The following ATXN3 variants were observed in gnomAD, a reference collection of about 807,000 sequenced individuals.
ATXN3 encodes ataxin 3, also known as ataxin-3.
In ATXN3, 28 loss-of-function variants were observed where a neutral mutation model predicts 58.2. That is an observed-to-expected ratio of 0.48 (90% CI 0.36 to 0.66). The LOEUF is 0.66. ATXN3 is among the 30% of genes least tolerant of loss of function. The pLI, the probability that ATXN3 is intolerant of heterozygous loss-of-function variation, is 0.00. For missense variants in ATXN3, 321 were observed against 422.1 expected, an observed-to-expected ratio of 0.76 and a Z score of 2.10; for synonymous variants, 113 against 138.5, an observed-to-expected ratio of 0.82 and a Z score of 1.29.
chr14:92,106,516 C>G lies in ATXN3; in HGVS notation c.24+13G>C, dbSNP rs537987995. ...GCGCGGCAGACAGCTCCCCACCGAA[C>G]GCGGACACTCACTTTCTCGTGGAAG... is the stretch of plus-strand genomic sequence containing the variant. On this transcript the variant is annotated intron_variant, in intron 1 of 10. Transcript: ENST00000644486. 1.2e-6 allele frequency: 2 copies of G among 1,613,304 alleles called. No individual in the cohort carries two copies. The highest frequency in any genetic ancestry group is 1.7e-6 in the Non-Finnish European group (2 of 1,179,600).
At chr14:92,091,009 C>T (rs138047286) in intron 5 of ATXN3, among the ~76,000 whole-genome samples, 5 of 137,070 alleles carry the variant, frequency 3.6e-5, no homozygotes, top group African/African-American at 1.4e-4. Context: ...TGCTCTCAAG[C>T]TCCTGGCCTC....
chr14:92,062,971 G>A lies in ATXN3; in HGVS notation c.*1349C>T, dbSNP rs908886148. 5 of 152,608 alleles carry A rather than the reference G, an allele frequency of 3.3e-5. No individual in the cohort carries two copies. Among genetic ancestry groups the A allele is most frequent in the Non-Finnish European group, 7.3e-5 (5 of 68,028 alleles). 9.5% of individuals were successfully genotyped at this position (152,608 alleles called of 1,614,324 possible). A position where few individuals can be genotyped will look rare whatever the true frequency, so the allele number is the denominator to read the frequency against. ...CTTCAAAAGGAGATGGAGAATGAGGGATAGGGAACACTGAAACTAAAACAT... is the reference window on the plus strand; with the variant it reads ...CTTCAAAAGGAGATGGAGAATGAGGAATAGGGAACACTGAAACTAAAACAT... On this transcript the variant is annotated 3_prime_UTR_variant, in exon 11 of 11. Coordinates refer to ENST00000644486, the MANE Select transcript of ATXN3 (RefSeq NM_004993.6).
At chr14:92,095,296 T>C (rs1350254549) in intron 3 of ATXN3, among the ~76,000 whole-genome samples, 1 of 152,050 alleles carries the variant, frequency 6.6e-6, no homozygotes, top group Non-Finnish European at 1.5e-5. Context: ...CAGGCTAGAG[T>C]GCAGTGGCGC....
chr14:92,079,912 A>AT (rs1288675144), intron 9 of ATXN3, among the ~76,000 whole-genome samples: 14 of 151,966 alleles, frequency 9.2e-5, no homozygotes. Flanking sequence ...TAATTTTTGT[A>AT]TTTTTAGTAG....
At position 92,088,771 on chromosome 14, in the gene ATXN3, T is replaced by C. The variant is rs2063132649; in HGVS notation, c.434A>G (p.Asp145Gly). 5 of 1,612,722 alleles carry C rather than the reference T, an allele frequency of 3.1e-6. No individual in the cohort carries two copies. The highest frequency in any genetic ancestry group is 4.2e-6 in the Non-Finnish European group (5 of 1,178,972). ...AGCCAAGAAAAGTGCAAGATATGTATCTGATATTAATTCTGGACCCGTCAA... is the reference window on the plus strand; with the variant it reads ...AGCCAAGAAAAGTGCAAGATATGTACCTGATATTAATTCTGGACCCGTCAA... ...SLLTGPELIS[D>G]TYLALFLAQL... Residue 145 changes from aspartate to glycine, a missense_variant, in exon 6 of 11, where the codon GAT becomes GGT. Asp to Gly is a moderately conservative substitution (Grantham distance 94). Transcript: ENST00000644486.
At chr14:92,105,340 TAGG>T (rs902508301) in intron 1 of ATXN3, among the ~76,000 whole-genome samples, 5 of 151,874 alleles carry the variant, frequency 3.3e-5, no homozygotes, top group African/African-American at 9.7e-5. Context: ...CGCTTGTGCC[TAGG>T]AGATCAAGGC....
At position 92,059,178 on chromosome 14, in the gene ATXN3, AC is replaced by A. The variant is rs2057573174; in HGVS notation, c.*5141del. ...GCACTAATTCTTAAAATGCCAGACC[AC>A]TTGGAAAAAATAATAATAGCAAAGA... On this transcript the variant is annotated 3_prime_UTR_variant, in exon 11 of 11. Coordinates refer to ENST00000644486, the MANE Select transcript of ATXN3 (RefSeq NM_004993.6). 1 of 152,188 alleles carries A rather than the reference AC, an allele frequency of 6.6e-6. No individual in the cohort carries two copies. The highest frequency in any genetic ancestry group is 1.5e-5 in the Non-Finnish European group (1 of 68,034). 9.4% of individuals were successfully genotyped at this position (152,188 alleles called of 1,614,324 possible). A position where few individuals can be genotyped will look rare whatever the true frequency, so the allele number is the denominator to read the frequency against.
At chr14:92,079,185 C>CAAAAAAAAAAAAAAAAAAAAAAAAAAA (rs35515547) in intron 9 of ATXN3, among the ~76,000 whole-genome samples, 2 of 77,056 alleles carry the variant, frequency 2.6e-5, no homozygotes, top group Non-Finnish European at 2.6e-5. Context: ...GACTCCATCT[C>CAAAAAAAAAAAAAAAAAAAAAAAAAAA]AAAAAAAAAA....
At chr14:92,088,188 CCT>C (rs2063018355) in intron 6 of ATXN3, among the ~76,000 whole-genome samples, 1 of 152,104 alleles carries the variant, frequency 6.6e-6, no homozygotes, top group Non-Finnish European at 1.5e-5. Flanking sequence ...CCTGCCTCAG[CCT>C]CCCGAGTAGC....
chr14:92,085,236 G>GA (rs141319170), intron 6 of ATXN3, among the ~76,000 whole-genome samples: 3,087 of 151,746 alleles, frequency 0.02, 119 homozygotes, highest in African/African-American at 0.072. Flanking sequence ...ACCCAGGCTG[G>GA]AGTGCAGTGG....
intron 3 of ATXN3, among the ~76,000 whole-genome samples, chr14:92,095,884 G>T (rs1010291173): frequency 6.6e-6 from 1 of 151,966 alleles, no homozygotes; most frequent in Non-Finnish European, 1.5e-5. Context: ...AGAGGCTACA[G>T]TGAGCCAAGA....
Position 92,087,115 on chromosome 14 carries a change from A to C in ATXN3, c.475+1615T>G, listed in dbSNP as rs2062766127. ...GGAAAGTGCTTAAAGGTTTAAAGACATAAGCTGTGAAATTAGTCACCTTGG... is the reference window on the plus strand; with the variant it reads ...GGAAAGTGCTTAAAGGTTTAAAGACCTAAGCTGTGAAATTAGTCACCTTGG... On this transcript the variant is annotated intron_variant, in intron 6 of 10. Coordinates refer to ENST00000644486, the MANE Select transcript of ATXN3 (RefSeq NM_004993.6). Among the ~76,000 whole-genome samples, 4 of 152,262 alleles carry C rather than the reference A, an allele frequency of 2.6e-5. No homozygotes were observed. The South Asian group carries it at 8.3e-4, about 31-fold the overall frequency.
At chr14:92,057,296 GT>G (rs2057478864), downstream of ATXN3, among the ~76,000 whole-genome samples, 1 of 152,120 alleles carries the variant, frequency 6.6e-6, no homozygotes, top group African/African-American at 2.4e-5. Context: ...CACGCCTGTA[GT>G]CCCAGCTACT....
At chr14:92,104,953 T>A (rs1372661709) in intron 1 of ATXN3, among the ~76,000 whole-genome samples, 3 of 151,678 alleles carry the variant, frequency 2.0e-5, no homozygotes, top group African/African-American at 7.3e-5. Flanking sequence ...ACGTGTGTAT[T>A]TTTCACGCAC....
intron 6 of ATXN3, among the ~76,000 whole-genome samples, chr14:92,085,452 G>A (rs2062241996): frequency 6.6e-6 from 1 of 152,136 alleles, no homozygotes; most frequent in Non-Finnish European, 1.5e-5. Context: ...TCCTCCCAAA[G>A]TGCTGGGATT....
intron 2 of ATXN3, chr14:92,046,295 T>A (rs2057427542): frequency 6.6e-6 from 1 of 152,264 alleles, no homozygotes; most frequent in South Asian, 2.1e-4. Flanking sequence ...GAATGGCGAT[T>A]AGGCCAGGTG....
intron 1 of ATXN3, among the ~76,000 whole-genome samples, chr14:92,097,321 G>A (rs1466984536): frequency 2.6e-5 from 4 of 151,028 alleles, no homozygotes; most frequent in Admixed American, 6.6e-5. Flanking sequence ...TCCGCCTCCC[G>A]GGTTCAAGTG....
intron 5 of ATXN3, among the ~76,000 whole-genome samples, chr14:92,089,167 C>CCA: frequency 6.6e-6 from 1 of 151,338 alleles, no homozygotes; most frequent in Non-Finnish European, 1.5e-5. Flanking sequence ...CAGGTCTGCA[C>CCA]CACCACACCC....
downstream of ATXN3, among the ~76,000 whole-genome samples, chr14:92,056,780 A>G (rs1595427971): frequency 2.6e-5 from 4 of 152,164 alleles, no homozygotes; most frequent in Admixed American, 2.6e-4. Flanking sequence ...GAGTAGGGAA[A>G]TATCAGAGGC....
Sources: gnomAD v4.1 joint callset for allele counts (sites outside exome capture counted in the v4.1 genomes callset) on GRCh38, gnomAD v4.1.1 for gene constraint, MANE v1.5 for transcripts, NCBI Gene and HGNC (gene_info 2026-07-23, HGNC 2026-07-21) for gene names.